Variants in LRRC8D observed in about 807,000 individuals in gnomAD.
LRRC8D encodes the protein leucine rich repeat containing 8 VRAC subunit D, also known as volume-regulated anion channel subunit LRRC8D.
Under a neutral mutation model 55.8 loss-of-function variants are expected in LRRC8D, and 20 were observed. The observed-to-expected ratio is 0.36, with a 90% CI of 0.25 to 0.52. The LOEUF is 0.52. Ranked by LOEUF, LRRC8D falls within the 20% of genes least tolerant of loss-of-function variation. The pLI is 0.93. For missense variants in LRRC8D, 651 were observed against 1,030.8 expected (o/e 0.63, Z 5.05); for synonymous variants, 352 against 377.0 (o/e 0.93, Z 0.77).
rs1661200244 is a variant in LRRC8D, at chr1:89,843,769, G to C, written c.-16G>C. ...GAGAGCGCCCTGAGAGAACAGGGTG[G>C]CCGCTTGGTCCAGGTGCGCGGGGTC... On this transcript the variant is annotated 5_prime_UTR_variant, in exon 2 of 3. Transcript: ENST00000337338. 1 of 691,248 alleles carries C rather than the reference G, an allele frequency of 1.4e-6. No homozygotes were observed. The allele number at this position is 691,248 out of a possible 1,614,324, so 42.8% of individuals were successfully genotyped here.
chr1:89,854,603 A>G (rs558555851), intron 2 of LRRC8D, among the ~76,000 whole-genome samples: 1 of 152,164 alleles, frequency 6.6e-6, no homozygotes, highest in Non-Finnish European at 1.5e-5. Flanking sequence ...TCATCTTTCA[A>G]TGGAGGAAGT....
rs1392847312 is a variant in LRRC8D at position 89,821,047 on chromosome 1, A to G, written c.-392A>G. ...CGCTTTGTCTAATTCCCCTCGTTAC[A>G]GAGTCATGTGCTGCTGCTCCCGTCG... On this transcript the variant is annotated 5_prime_UTR_variant, in exon 1 of 3. Coordinates refer to ENST00000337338, the MANE Select transcript of LRRC8D (RefSeq NM_001134479.2). 1 of 147,708 alleles carries G rather than the reference A, an allele frequency of 6.8e-6. No homozygotes were observed. The highest frequency in any genetic ancestry group is 6.8e-5 in the Admixed American group (1 of 14,740). The allele number at this position is 147,708 out of a possible 1,614,324, so 9.1% of individuals were successfully genotyped here. A position where few individuals can be genotyped will look rare whatever the true frequency, so the allele number is the denominator to read the frequency against.
chr1:89,859,932 C>T (rs1570830394), intron 2 of LRRC8D, among the ~76,000 whole-genome samples: 1 of 152,172 alleles, frequency 6.6e-6, no homozygotes, highest in African/African-American at 2.4e-5. Context: ...AATTTCTCTG[C>T]CTGTTTTAGA....
rs111829147 is a variant in LRRC8D at position 89,926,902 on chromosome 1, G to A, written c.-2-6165G>A. The stretch of plus-strand genomic sequence containing the variant: ...TAATTATTTAATGTCCACAACTTCC[G>A]TGAGTCTATTTCTTCCCCTCTCAAG... On this transcript the variant is annotated intron_variant, in intron 2 of 2. Coordinates refer to ENST00000337338, the MANE Select transcript of LRRC8D (RefSeq NM_001134479.2). Among the ~76,000 whole-genome samples, 378 of 152,290 alleles carry A rather than the reference G, an allele frequency of 2.5e-3. 3 individuals carry two copies. Among genetic ancestry groups the A allele is most frequent in the African/African-American group, 7.9e-3 (329 of 41,554 alleles).
chr1:89,877,843 T>C (rs1662184466), intron 2 of LRRC8D, among the ~76,000 whole-genome samples: 1 of 152,232 alleles, frequency 6.6e-6, no homozygotes, highest in African/African-American at 2.4e-5. Context: ...TTCTTAGTGT[T>C]AGTTCTTGTT....
At chr1:89,848,629 A>C (rs1007432818) in intron 2 of LRRC8D, among the ~76,000 whole-genome samples, 4 of 152,156 alleles carry the variant, frequency 2.6e-5, no homozygotes, top group Non-Finnish European at 5.9e-5. Context: ...GCATTGACAA[A>C]TAGACACTGA....
At chr1:89,848,689 G>GT (rs1314432390) in intron 2 of LRRC8D, among the ~76,000 whole-genome samples, 2 of 151,614 alleles carry the variant, frequency 1.3e-5, no homozygotes, top group Non-Finnish European at 2.9e-5. Context: ...AACCCTGTTT[G>GT]TTTTTTTGGT....
chr1:89,917,277 C>G (rs1243366584), intron 2 of LRRC8D, among the ~76,000 whole-genome samples: 1 of 152,172 alleles, frequency 6.6e-6, no homozygotes, highest in Non-Finnish European at 1.5e-5. Context: ...CTACATATAT[C>G]CTTTGCCTGG....
In LRRC8D at chr1:89,868,951, G is replaced by C. The variant is rs143596229; in HGVS notation, c.-3+25169G>C. ...AGACAGAATCTCACTCTTTCGCCCAGGCTGGAGTGCAGTGGTATGATCTTT... is the reference window on the plus strand; with the variant it reads ...AGACAGAATCTCACTCTTTCGCCCACGCTGGAGTGCAGTGGTATGATCTTT... On this transcript the variant is annotated intron_variant, in intron 2 of 2. Coordinates refer to ENST00000337338, the MANE Select transcript of LRRC8D (RefSeq NM_001134479.2). Among the ~76,000 whole-genome samples the C allele has an allele frequency of 2.4e-3, 358 of 152,242 alleles. 3 individuals carry two copies. Among genetic ancestry groups the C allele is most frequent in the African/African-American group, 8.3e-3 (343 of 41,544 alleles).
At chr1:89,878,129 T>C (rs1662193399) in intron 2 of LRRC8D, among the ~76,000 whole-genome samples, 1 of 152,238 alleles carries the variant, frequency 6.6e-6, no homozygotes, top group Non-Finnish European at 1.5e-5. Flanking sequence ...TCAGTATTTT[T>C]TACTAATTAG....
intron 1 of LRRC8D, among the ~76,000 whole-genome samples, chr1:89,836,989 T>C (rs572676268): frequency 6.6e-6 from 1 of 152,338 alleles, no homozygotes; most frequent in South Asian, 2.1e-4. Flanking sequence ...TGTTTTTGTT[T>C]CTAGCCTGCT....
intron 1 of LRRC8D, among the ~76,000 whole-genome samples, chr1:89,826,610 A>C (rs1207526201): frequency 6.6e-6 from 1 of 152,342 alleles, no homozygotes; most frequent in East Asian, 1.9e-4. Context: ...GCTTAGCGTA[A>C]GTTTACACAT....
At chr1:89,863,084 T>G (rs1661761687) in intron 2 of LRRC8D, among the ~76,000 whole-genome samples, 1 of 152,204 alleles carries the variant, frequency 6.6e-6, no homozygotes, top group Non-Finnish European at 1.5e-5. Context: ...AAGAGTGGAT[T>G]CAGATAGCTG....
In LRRC8D at chr1:89,933,729, T is replaced by C; in HGVS notation, c.661T>C (p.Ser221Pro). 1 of 1,614,168 alleles carries C rather than the reference T, an allele frequency of 6.2e-7. No homozygotes were observed. The highest frequency in any genetic ancestry group is 8.5e-7 in the Non-Finnish European group (1 of 1,180,020). Reference sequence around the variant, plus strand: ...GTTGTCTGAGACAGCATGCGAAGACTCAGAGGAAAACAAGCAGAGAATAAC... The same window carrying C: ...GTTGTCTGAGACAGCATGCGAAGACCCAGAGGAAAACAAGCAGAGAATAAC... Reference protein sequence around the residue: ...KALSETACEDSEENKQRITGA... With the variant: ...KALSETACEDPEENKQRITGA... Residue 221 changes from serine to proline, a missense_variant, in exon 3 of 3, where the codon TCA becomes CCA. By Grantham distance (74) the Ser-to-Pro change is moderately conservative. Around this residue, in one of 5 missense-constraint regions of LRRC8D, gnomAD observed 178 missense variants for 374.9 expected, o/e 0.47. Coordinates refer to ENST00000337338, the MANE Select transcript of LRRC8D (RefSeq NM_001134479.2). This position sits in a 1 kb window ranked among gnomAD's most constrained non-coding sequence, Gnocchi z 7.0.
At chr1:89,867,352 C>A (rs955776762) in intron 2 of LRRC8D, among the ~76,000 whole-genome samples, 4 of 152,076 alleles carry the variant, frequency 2.6e-5, no homozygotes, top group African/African-American at 9.7e-5. Flanking sequence ...TATTTCATTT[C>A]TTTTTATTGC....
At chr1:89,905,374 C>G (rs948197340) in intron 2 of LRRC8D, among the ~76,000 whole-genome samples, 6 of 152,178 alleles carry the variant, frequency 3.9e-5, no homozygotes, top group African/African-American at 1.4e-4. Context: ...GGAATATGGT[C>G]AAATACTCAT....
intron 2 of LRRC8D, among the ~76,000 whole-genome samples, chr1:89,895,989 G>A (rs7517991): frequency 0.011 from 1,673 of 152,266 alleles, 35 homozygotes; most frequent in African/African-American, 0.038. Flanking sequence ...ACAGGCAAGC[G>A]TTAGAACCTT....
At chr1:89,923,104 C>T (rs1468596820) in intron 2 of LRRC8D, among the ~76,000 whole-genome samples, 2 of 152,182 alleles carry the variant, frequency 1.3e-5, no homozygotes, top group African/African-American at 4.8e-5. Flanking sequence ...AGTCCAATAA[C>T]TTTCCCTTTT....
chr1:89,851,495 C>T (rs777313688), intron 2 of LRRC8D, among the ~76,000 whole-genome samples: 1 of 151,866 alleles, frequency 6.6e-6, no homozygotes, highest in East Asian at 1.9e-4. Flanking sequence ...AATGTATTTT[C>T]CCCTTGTCTT....
Sources: allele counts gnomAD v4.1 joint callset (sites outside exome capture counted in the v4.1 genomes callset), GRCh38; gene constraint gnomAD v4.1.1; regional missense constraint gnomAD v4.1.1; non-coding constraint Gnocchi (gnomAD v3.1); transcripts MANE v1.5; gene names NCBI Gene and HGNC (gene_info 2026-07-23, HGNC 2026-07-21).